DYDC2: variants seen among roughly 807,000 people sequenced by gnomAD.
DYDC2 encodes the protein DPY30 domain-containing protein 2.
A neutral mutation model predicts 18.7 loss-of-function variants in DYDC2; 19 were observed. The ratio of observed to expected loss-of-function variants is 1.02; its 90% CI spans 0.71 to 1.49. The LOEUF is 1.49. Ranked by LOEUF, DYDC2 falls within the 40% of genes most tolerant of loss-of-function variation. The pLI is 0.00. For synonymous variants in DYDC2, 63 were observed against 67.6 expected (o/e 0.93, Z 0.34); for missense variants, 179 against 205.1 (o/e 0.87, Z 0.78).
At chr10:80,360,727 C>G (rs1295115785) in intron 2 of DYDC2, among the ~76,000 whole-genome samples, 1 of 151,714 alleles carries the variant, frequency 6.6e-6, no homozygotes, top group Non-Finnish European at 1.5e-5. Flanking sequence ...CCAACAATGC[C>G]CTTTATAGAA....
chr10:80,345,935 G>C (rs1208750970), intron 1 of DYDC2, among the ~76,000 whole-genome samples: 1 of 152,134 alleles, frequency 6.6e-6, no homozygotes, highest in African/African-American at 2.4e-5. Flanking sequence ...TCAACCTCCA[G>C]GGCTCAATTA....
At chr10:80,356,129 C>T, upstream of DYDC2, 1 of 563,978 alleles carries the variant, frequency 1.8e-6, no homozygotes, top group Non-Finnish European at 2.2e-6. Context: ...GGCTCTGTCT[C>T]GGATTTCTGG....
chr10:80,359,510 C>G (rs1843594435), intron 2 of DYDC2, among the ~76,000 whole-genome samples: 1 of 152,196 alleles, frequency 6.6e-6, no homozygotes, highest in Non-Finnish European at 1.5e-5. Flanking sequence ...CTCCTCAGCC[C>G]TTGGGCGGTC....
In DYDC2 at chr10:80,367,266, A is replaced by G. The variant is rs1007715530; in HGVS notation, c.*315A>G. On this transcript the variant is annotated 3_prime_UTR_variant, in exon 5 of 5. Transcript: ENST00000256039. ...CCCAACACCCGGCCATGGGGGCTAC[A>G]AAGTCCAGCCGAGTCAAAGGAAAGA... The G allele has an allele frequency of 1.4e-5, 3 of 219,618 alleles. No homozygotes were observed. Among genetic ancestry groups the G allele is most frequent in the African/African-American group, 2.3e-5 (1 of 43,538 alleles). The allele number at this position is 219,618 out of a possible 1,614,324, so 13.6% of individuals were successfully genotyped here. A position where few individuals can be genotyped will look rare whatever the true frequency, so the allele number is the denominator to read the frequency against.
At chr10:80,362,310 G>T in intron 2 of DYDC2, 125 bp from the exon 3 acceptor site, 1 of 1,338,480 alleles carries the variant, frequency 7.5e-7, no homozygotes, top group Non-Finnish European at 1.0e-6. Context: ...GTTCTTTTGG[G>T]AAAGGTGTGA....
chr10:80,367,219 C>T lies in DYDC2; in HGVS notation c.*268C>T. ...CGTTTTGGAGACTACACAATGAAAA[C>T]ACATCTGTTGGGGTGATCAGACCCA... is the stretch of plus-strand genomic sequence containing the variant. On this transcript the variant is annotated 3_prime_UTR_variant, in exon 5 of 5. Coordinates refer to ENST00000256039, the MANE Select transcript of DYDC2 (RefSeq NM_032372.6). The T allele has an allele frequency of 2.7e-6, 1 of 368,644 alleles. No homozygotes were observed. The highest frequency in any genetic ancestry group is 4.0e-5 in the South Asian group (1 of 25,278). 22.8% of individuals were successfully genotyped at this position (368,644 alleles called of 1,614,324 possible).
chr10:80,355,252 T>G (rs1843291224), upstream of DYDC2, among the ~76,000 whole-genome samples: 1 of 151,862 alleles, frequency 6.6e-6, no homozygotes, highest in African/African-American at 2.4e-5. Context: ...GCATTTTGCA[T>G]AAAATTTCAG....
chr10:80,359,833 G>A (rs906653846), intron 2 of DYDC2, among the ~76,000 whole-genome samples: 13 of 152,102 alleles, frequency 8.5e-5, no homozygotes, highest in African/African-American at 3.1e-4. Context: ...GCTGGCCTGC[G>A]AGTGCCACAC....
At chr10:80,349,263 T>G (rs1323311788) in intron 1 of DYDC2, among the ~76,000 whole-genome samples, 3 of 152,244 alleles carry the variant, frequency 2.0e-5, no homozygotes. Flanking sequence ...AGTGAAATGT[T>G]ATCTTTTAAA....
Position 80,367,730 on chromosome 10 carries a change from T to A in DYDC2, c.*779T>A, listed in dbSNP as rs367595010. On this transcript the variant is annotated 3_prime_UTR_variant, in exon 5 of 5. Transcript: ENST00000256039. Reference sequence around the variant, plus strand: ...AGTATTTTTTACACATATCCTGGAGTCTACCTATGTCACTGATAGCAGATA... The same window carrying A: ...AGTATTTTTTACACATATCCTGGAGACTACCTATGTCACTGATAGCAGATA... 6 of 152,230 alleles carry A rather than the reference T, an allele frequency of 3.9e-5. No homozygotes were observed. The highest frequency in any genetic ancestry group is 1.4e-4 in the African/African-American group (6 of 41,512). The allele number at this position is 152,230 out of a possible 1,614,324, so 9.4% of individuals were successfully genotyped here. A position where few individuals can be genotyped will look rare whatever the true frequency, so the allele number is the denominator to read the frequency against.
chr10:80,367,281 C>A lies in DYDC2; in HGVS notation c.*330C>A. The A allele has an allele frequency of 1.5e-5, 3 of 195,796 alleles. No individual in the cohort carries two copies. In the South Asian group the frequency reaches 4.1e-4, roughly 27 times the overall value. The allele number at this position is 195,796 out of a possible 1,614,324, so 12.1% of individuals were successfully genotyped here. ...TGGGGGCTACAAAGTCCAGCCGAGT[C>A]AAAGGAAAGAGAAAAGACAAGTCAA... On this transcript the variant is annotated 3_prime_UTR_variant, in exon 5 of 5. Transcript: ENST00000256039.
rs1393952513 is a variant in DYDC2 at position 80,362,868 on chromosome 10, C to T, written c.148-83C>T. The stretch of plus-strand genomic sequence containing the variant: ...TCAACAGGCCCAAAGAGCCCACAGC[C>T]CATATCAGTCCCCAGTGAGGGGGCC... On this transcript the variant is annotated intron_variant, in intron 3 of 4. Transcript: ENST00000256039. The T allele has an allele frequency of 2.0e-6, 3 of 1,533,462 alleles. No individual in the cohort carries two copies. The African/African-American group carries it at 4.1e-5, about 21-fold the overall frequency. The allele number at this position is 1,533,462 out of a possible 1,614,324, so 95.0% of individuals were successfully genotyped here. A position where few individuals can be genotyped will look rare whatever the true frequency, so the allele number is the denominator to read the frequency against.
At chr10:80,351,993 C>T (rs781349470), upstream of DYDC2, 3 of 1,614,048 alleles carry the variant, frequency 1.9e-6, no homozygotes, top group East Asian at 2.2e-5. Flanking sequence ...TTGGCCATTT[C>T]CTTTTGTCTC....
intron 3 of DYDC2, 104 bp from the exon 4 acceptor site, chr10:80,362,847 C>T (rs772074582): frequency 1.1e-5 from 16 of 1,445,680 alleles, no homozygotes; most frequent in African/African-American, 1.4e-5. Context: ...GGAAACTCAA[C>T]AGGCCCAAAG....
intron 2 of DYDC2, among the ~76,000 whole-genome samples, chr10:80,359,538 C>T (rs756876690): frequency 3.3e-5 from 5 of 152,264 alleles, no homozygotes; most frequent in East Asian, 3.9e-4. Context: ...CCGGGCACCG[C>T]GGAGCAGTGG....
At chr10:80,351,873 C>A, upstream of DYDC2, 1 of 1,603,866 alleles carries the variant, frequency 6.2e-7, no homozygotes, top group Admixed American at 1.7e-5. Context: ...TAATTCCAGT[C>A]CCCTCTGAAC....
chr10:80,366,665 C>T lies in DYDC2; in HGVS notation c.271-23C>T, dbSNP rs75690316. Reference sequence around the variant, plus strand: ...GCTTTAGTCTCTAATAATAAGTTTTCGGCTTTTTTGTTTTCTATTTAGGAA... The same window carrying T: ...GCTTTAGTCTCTAATAATAAGTTTTTGGCTTTTTTGTTTTCTATTTAGGAA... On this transcript the variant is annotated intron_variant, in intron 4 of 4. Transcript: ENST00000256039. 9.7e-4 allele frequency: 1,534 copies of T among 1,575,080 alleles called. 5 individuals are homozygous for T. In the African/African-American group the frequency reaches 0.017, roughly 18 times the overall value.
At chr10:80,359,590 G>A (rs1843598919) in intron 2 of DYDC2, among the ~76,000 whole-genome samples, 1 of 152,150 alleles carries the variant, frequency 6.6e-6, no homozygotes, top group Admixed American at 6.5e-5. Context: ...AGGAGCCCAC[G>A]GTGCGGGGGA....
intron 1 of DYDC2, among the ~76,000 whole-genome samples, chr10:80,357,541 G>A (rs998152726): frequency 2.0e-5 from 3 of 152,146 alleles, no homozygotes; most frequent in Non-Finnish European, 2.9e-5. Flanking sequence ...CTGGAAGACC[G>A]TCACTGCAAG....
Sources: gnomAD v4.1 joint callset for allele counts (sites outside exome capture counted in the v4.1 genomes callset) on GRCh38, gnomAD v4.1.1 for gene constraint, MANE v1.5 for transcripts, NCBI Gene and HGNC (gene_info 2026-07-23, HGNC 2026-07-21) for gene names.